Variants in DNAAF9 observed in about 807,000 individuals in gnomAD.
The protein encoded by DNAAF9 is dynein axonemal assembly factor 9.
In DNAAF9, 90 loss-of-function variants were observed where a neutral mutation model predicts 167.0. That is an observed-to-expected ratio of 0.54 (90% CI 0.45 to 0.64). DNAAF9 has a LOEUF of 0.64. DNAAF9 is among the 30% of genes least tolerant of loss of function. The pLI is 0.00. For synonymous variants in DNAAF9, 491 were observed against 508.8 expected, an observed-to-expected ratio of 0.96 and a Z score of 0.47; for missense variants, 1,315 against 1,442.2, an observed-to-expected ratio of 0.91 and a Z score of 1.43.
chr20:3,298,130 A>C lies in DNAAF9; in HGVS notation c.1828T>G (p.Ser610Ala), dbSNP rs993001370. 1 of 1,613,598 alleles carries C rather than the reference A, an allele frequency of 6.2e-7. No individual in the cohort carries two copies. The highest frequency in any genetic ancestry group is 1.3e-5 in the African/African-American group (1 of 75,022). The change falls in exon 22 of 37, where the codon TCA becomes GCA. Residue 610 changes from serine (S) to alanine (A), a missense_variant. Coordinates refer to ENST00000252032, the MANE Select transcript of DNAAF9 (RefSeq NM_001009984.3). The stretch of plus-strand genomic sequence containing the variant: ...TGAACTGGGAGGTGAGGAAGCAATG[A>C]GCTTTTGAAGTCTATGAGAAGAGCA... ...VAALLIDFKS[S>A]LLPHLPVHFH... is the part of the protein sequence containing the mutation.
intron 1 of DNAAF9, among the ~76,000 whole-genome samples, chr20:3,406,047 A>C (rs748622705): frequency 6.6e-6 from 1 of 152,236 alleles, no homozygotes; most frequent in Admixed American, 6.5e-5. Flanking sequence ...GTCACCTGAC[A>C]GATTCGAAGC....
intron 9 of DNAAF9, among the ~76,000 whole-genome samples, chr20:3,341,647 T>C (rs1056984856): frequency 3.3e-5 from 5 of 152,208 alleles, no homozygotes; most frequent in Non-Finnish European, 5.9e-5. Context: ...TTTTCTTCCA[T>C]CTTCATGGCC....
intron 28 of DNAAF9, among the ~76,000 whole-genome samples, chr20:3,281,177 C>A (rs752200224): frequency 6.6e-6 from 1 of 152,068 alleles, no homozygotes; most frequent in Non-Finnish European, 1.5e-5. Context: ...TACAAGTGTG[C>A]ACCACCACTC....
At chr20:3,264,055 G>A (rs773040834) in intron 31 of DNAAF9, among the ~76,000 whole-genome samples, 3 of 152,214 alleles carry the variant, frequency 2.0e-5, no homozygotes, top group Non-Finnish European at 4.4e-5. Context: ...GAACCCAGCA[G>A]ATGGGAACCC....
chr20:3,403,156 C>T (rs912032586), intron 1 of DNAAF9, among the ~76,000 whole-genome samples: 2 of 152,098 alleles, frequency 1.3e-5, no homozygotes, highest in Admixed American at 1.3e-4. Context: ...TGTCCTCCAT[C>T]CTACTTCAGC....
At chr20:3,298,205 GAA>G (rs1161720934) in intron 21 of DNAAF9, 30 bp from the exon 22 acceptor site, 4 of 1,597,144 alleles carry the variant, frequency 2.5e-6, no homozygotes, top group African/African-American at 2.7e-5. Flanking sequence ...GCATCAGCAA[GAA>G]GAGCATCTGC....
intron 20 of DNAAF9, among the ~76,000 whole-genome samples, chr20:3,309,343 T>C (rs2069361848): frequency 6.6e-6 from 1 of 152,220 alleles, no homozygotes; most frequent in Non-Finnish European, 1.5e-5. Flanking sequence ...GTGTTATAAT[T>C]TTCTCAGCCT....
intron 1 of DNAAF9, among the ~76,000 whole-genome samples, chr20:3,390,321 G>T (rs1443815436): frequency 6.6e-6 from 1 of 151,272 alleles, no homozygotes; most frequent in African/African-American, 2.4e-5. Context: ...GTTAAAAACT[G>T]TGGAATCTAT....
rs372726567 is a variant in DNAAF9 at position 3,382,494 on chromosome 20, A to G, written c.96T>C (p.Leu32=). The change falls in exon 2 of 37, where the codon CTT becomes CTC. Residue 32 remains leucine, a synonymous_variant. Transcript: ENST00000252032. ...GGGTCAGGATGCTCTGAACCTGCCG[A>G]AGTCGACTGCAGCTGCAACAAGAAC... is the stretch of plus-strand genomic sequence containing the variant. The part of the protein sequence containing the change: ...RGSPSVSCSR[L]RQVQSILTQS... 4 of 1,613,648 alleles carry G rather than the reference A, an allele frequency of 2.5e-6. No homozygotes were observed. The African/African-American group carries it at 5.3e-5, about 22-fold the overall frequency.
At position 3,331,616 on chromosome 20, in the gene DNAAF9, A is replaced by G. The variant is rs76586554; in HGVS notation, c.1063+664T>C. 9.0e-3 allele frequency among the ~76,000 whole-genome samples: 1,368 copies of G among 152,274 alleles called. 19 individuals are homozygous for G. Among genetic ancestry groups the G allele is most frequent in the African/African-American group, 0.032 (1,314 of 41,550 alleles). Reference sequence around the variant, plus strand: ...CTCTTCTCACTTTCCTCACAAGAACAGTCCAGTGGGCACCTGGCTGAGTCA... The same window carrying G: ...CTCTTCTCACTTTCCTCACAAGAACGGTCCAGTGGGCACCTGGCTGAGTCA... On this transcript the variant is annotated intron_variant, in intron 11 of 36. Transcript: ENST00000252032.
chr20:3,296,871 G>A lies in DNAAF9; in HGVS notation c.2008C>T (p.Gln670Ter). 1 of 1,604,440 alleles carries A rather than the reference G, an allele frequency of 6.2e-7. No individual in the cohort carries two copies. The change falls in exon 23 of 37, where the codon CAA becomes TAA. Residue 670 changes from glutamine (Q) to a stop codon, truncating the protein, a stop_gained. Coordinates refer to ENST00000252032, the MANE Select transcript of DNAAF9 (RefSeq NM_001009984.3). LOFTEE classifies it high-confidence loss of function. ...VIQEDGLSVE[Q>*]KRLHSSAQKL... ...GAAGCAGCCACTTACAATCTCTTTT[G>A]TTCCACAGATAATCCATCTTCCTGG...
rs2068721005 is a variant in DNAAF9, at chr20:3,279,017, T to C, written c.2613-68A>G. 8 of 1,157,310 alleles carry C rather than the reference T, an allele frequency of 6.9e-6. No homozygotes were observed. The Admixed American group carries it at 1.1e-4, about 15-fold the overall frequency. 71.7% of individuals were successfully genotyped at this position (1,157,310 alleles called of 1,614,324 possible). On this transcript the variant is annotated intron_variant, in intron 28 of 36. Coordinates refer to ENST00000252032, the MANE Select transcript of DNAAF9 (RefSeq NM_001009984.3). ...CAGAGTTGTCACTGATTATTTCCCA[T>C]ACAAATAGGAGTACCACTGACAAGC...
intron 14 of DNAAF9, 88 bp downstream of exon 14, chr20:3,324,804 G>A (rs1369976821): frequency 4.2e-6 from 3 of 721,604 alleles, no homozygotes; most frequent in Non-Finnish European, 7.4e-6. Context: ...TTCTCAAAGG[G>A]GAGATGAAAT....
chr20:3,330,439 C>T (rs1480757160), intron 12 of DNAAF9, among the ~76,000 whole-genome samples: 1 of 151,774 alleles, frequency 6.6e-6, no homozygotes, highest in East Asian at 1.9e-4. Flanking sequence ...ACAGGGTCTG[C>T]TTATGTTGCC....
At chr20:3,310,243 GAAAC>G (rs1215417995) in intron 20 of DNAAF9, among the ~76,000 whole-genome samples, 3 of 143,830 alleles carry the variant, frequency 2.1e-5, no homozygotes, top group Non-Finnish European at 4.6e-5. Context: ...GAAAGAGAGA[GAAAC>G]AGAGAGAGAG....
intron 29 of DNAAF9, among the ~76,000 whole-genome samples, chr20:3,274,037 C>A (rs536507093): frequency 2.6e-5 from 4 of 152,098 alleles, no homozygotes; most frequent in Non-Finnish European, 4.4e-5. Flanking sequence ...TAGTCCTCCC[C>A]TCATGCCACC....
chr20:3,252,371 C>A lies in DNAAF9; in HGVS notation c.*201G>T. 1 of 498,430 alleles carries A rather than the reference C, an allele frequency of 2.0e-6. No individual in the cohort carries two copies. Among genetic ancestry groups the A allele is most frequent in the Non-Finnish European group, 3.6e-6 (1 of 275,432 alleles). The allele number at this position is 498,430 out of a possible 1,614,324, so 30.9% of individuals were successfully genotyped here. A position where few individuals can be genotyped will look rare whatever the true frequency, so the allele number is the denominator to read the frequency against. On this transcript the variant is annotated 3_prime_UTR_variant, in exon 37 of 37. Coordinates refer to ENST00000252032, the MANE Select transcript of DNAAF9 (RefSeq NM_001009984.3). ...GCTCATCCTTGAGTATTCCCCCGAC[C>A]CCCAAAATCAATGGTGCAGGTGATG... is the stretch of plus-strand genomic sequence containing the variant.
chr20:3,291,727 C>G (rs992485783), intron 25 of DNAAF9, among the ~76,000 whole-genome samples: 2 of 152,168 alleles, frequency 1.3e-5, no homozygotes, highest in Non-Finnish European at 2.9e-5. Context: ...CCTGGAAGCA[C>G]TCATCACTTG....
intron 23 of DNAAF9, chr20:3,296,236 T>C (rs1272608090): frequency 1.4e-5 from 7 of 494,456 alleles, no homozygotes; most frequent in African/African-American, 1.2e-4. Flanking sequence ...ACCACTGCAC[T>C]CTACCCGGGG....
Sources: allele counts gnomAD v4.1 joint callset (sites outside exome capture counted in the v4.1 genomes callset), GRCh38; gene constraint gnomAD v4.1.1; transcripts MANE v1.5; gene names NCBI Gene and HGNC (gene_info 2026-07-23, HGNC 2026-07-21).